The following DPP6 variants were observed in gnomAD, a reference collection of about 807,000 sequenced individuals.
The protein encoded by DPP6 is dipeptidyl peptidase like 6.
In DPP6, 69 loss-of-function variants were observed where a neutral mutation model predicts 122.6. The ratio of observed to expected loss-of-function variants is 0.56; its 90% CI spans 0.46 to 0.69. The LOEUF is 0.69. Ranked by LOEUF, DPP6 falls within the 30% of genes least tolerant of loss-of-function variation. The pLI is 0.00. For synonymous variants in DPP6, 418 were observed against 433.1 expected (o/e 0.97, Z 0.43); for missense variants, 928 against 1,116.9 (o/e 0.83, Z 2.41).
At chr7:154,166,772 A>G (rs1177407899) in intron 1 of DPP6, among the ~76,000 whole-genome samples, 1 of 148,630 alleles carries the variant, frequency 6.7e-6, no homozygotes, top group East Asian at 2.0e-4. Context: ...TTAGCCAGGC[A>G]TGGTGGCTGG....
chr7:153,997,246 C>T (rs1388110041), intron 1 of DPP6, among the ~76,000 whole-genome samples: 3 of 152,160 alleles, frequency 2.0e-5, no homozygotes. Flanking sequence ...ACTCCACTCC[C>T]CACTCACCAG....
intron 3 of DPP6, among the ~76,000 whole-genome samples, chr7:154,494,893 A>G (rs923750782): frequency 2.0e-5 from 3 of 152,200 alleles, no homozygotes; most frequent in Admixed American, 2.0e-4. Context: ...AGTCAGGTAA[A>G]TGGTTAAAGA....
intron 1 of DPP6, among the ~76,000 whole-genome samples, chr7:153,944,481 C>T (rs535855589): frequency 6.6e-6 from 1 of 152,112 alleles, no homozygotes; most frequent in East Asian, 2.0e-4. Context: ...GTGGTGACTT[C>T]TCAGCCACCT....
chr7:154,415,079 C>T (rs1816911554), intron 1 of DPP6, among the ~76,000 whole-genome samples: 1 of 152,174 alleles, frequency 6.6e-6, no homozygotes, highest in South Asian at 2.1e-4. Flanking sequence ...TGCATGCTTC[C>T]TTCCACACCC....
intron 3 of DPP6, among the ~76,000 whole-genome samples, chr7:154,537,272 C>G (rs1828336270): frequency 2.6e-5 from 4 of 151,808 alleles, no homozygotes; most frequent in Admixed American, 2.6e-4. Flanking sequence ...TAAAATAAGA[C>G]AAGAATAGTA....
intron 1 of DPP6, among the ~76,000 whole-genome samples, chr7:154,163,425 TC>T (rs1462903261): frequency 5.3e-5 from 8 of 152,244 alleles, no homozygotes; most frequent in African/African-American, 1.9e-4. Flanking sequence ...TTAAAAATCA[TC>T]CTTTAATTAT....
Position 154,242,381 on chromosome 7 carries a change from A to AGTGTGTGTGTGTGT in DPP6, c.243+189323_243+189336dup, listed in dbSNP as rs139152037. Among the ~76,000 whole-genome samples, 95 of 150,194 alleles carry AGTGTGTGTGTGTGT rather than the reference A, an allele frequency of 6.3e-4. 1 individual carries two copies. The highest frequency in any genetic ancestry group is 9.9e-4 in the Admixed American group (15 of 15,076). On this transcript the variant is annotated intron_variant, in intron 1 of 25. Coordinates refer to ENST00000377770, the MANE Select transcript of DPP6 (RefSeq NM_130797.4). The stretch of plus-strand genomic sequence containing the variant: ...GTAACACTGACTTTAAGAGGCAATG[A>AGTGTGTGTGTGTGT]GTGTGTGTGTGTGTGTGTATGTGTG...
intron 1 of DPP6, among the ~76,000 whole-genome samples, chr7:153,902,404 A>T (rs899588889): frequency 6.6e-6 from 1 of 152,194 alleles, no homozygotes; most frequent in Non-Finnish European, 1.5e-5. Flanking sequence ...AAACTGGGAG[A>T]CAGGGGTTCT....
chr7:154,417,184 T>C (rs1423535773), intron 1 of DPP6, among the ~76,000 whole-genome samples: 2 of 152,186 alleles, frequency 1.3e-5, no homozygotes, highest in Non-Finnish European at 2.9e-5. Flanking sequence ...AGGGAACATC[T>C]CCCCACCAAT....
chr7:154,855,425 C>T (rs1202548827), intron 17 of DPP6, among the ~76,000 whole-genome samples: 1 of 152,224 alleles, frequency 6.6e-6, no homozygotes. Flanking sequence ...GATGGCCTTC[C>T]TGTGCTCCTC....
At chr7:154,798,310 G>A (rs1447858313) in intron 12 of DPP6, among the ~76,000 whole-genome samples, 1 of 152,192 alleles carries the variant, frequency 6.6e-6, no homozygotes, top group African/African-American at 2.4e-5. Context: ...GGACTTTCCT[G>A]TATTAGCGAT....
chr7:154,543,504 C>A (rs1828895884), intron 4 of DPP6, among the ~76,000 whole-genome samples: 1 of 152,172 alleles, frequency 6.6e-6, no homozygotes, highest in African/African-American at 2.4e-5. Context: ...GTCAATCCAG[C>A]AGGAAAGCTT....
chr7:154,361,810 T>G (rs772176042), intron 1 of DPP6, among the ~76,000 whole-genome samples: 5 of 152,218 alleles, frequency 3.3e-5, no homozygotes, highest in Admixed American at 6.5e-5. Flanking sequence ...GAAGGAGGCA[T>G]TATCATCCCT....
intron 16 of DPP6, among the ~76,000 whole-genome samples, chr7:154,832,963 C>T (rs930082514): frequency 2.0e-5 from 3 of 152,244 alleles, no homozygotes; most frequent in Non-Finnish European, 4.4e-5. Context: ...AGAAGTCTTT[C>T]TTTGGGACCC....
intron 1 of DPP6, among the ~76,000 whole-genome samples, chr7:154,394,126 T>C (rs1814865923): frequency 6.6e-6 from 1 of 152,216 alleles, no homozygotes; most frequent in Admixed American, 6.5e-5. Context: ...TGCTGGATCA[T>C]ATGGTTATTT....
intron 7 of DPP6, among the ~76,000 whole-genome samples, chr7:154,704,384 T>A (rs1840704882): frequency 1.3e-5 from 2 of 152,230 alleles, no homozygotes; most frequent in South Asian, 4.1e-4. Context: ...GGATTTAGAA[T>A]ATTCCATAAA....
chr7:154,305,031 CCCCAGCCCCAGCCCCAGCCCCAG>C, intron 1 of DPP6: 1 of 13,910 alleles, frequency 7.2e-5, no homozygotes, highest in African/African-American at 3.6e-4. Flanking sequence ...CCAGCCCCAG[CCCCAGCCCCAGCCCCAGCCCCAG>C]CCCCAGCCCC....
the DPP6 span, among the ~76,000 whole-genome samples, chr7:153,844,676 G>A: frequency 3.3e-5 from 5 of 152,154 alleles, no homozygotes; most frequent in Admixed American, 3.3e-4. Context: ...GATTCATCCG[G>A]TGGGACATCG....
intron 20 of DPP6, among the ~76,000 whole-genome samples, chr7:154,878,769 T>C (rs1805096617): frequency 6.6e-6 from 1 of 152,184 alleles, no homozygotes; most frequent in Non-Finnish European, 1.5e-5. Flanking sequence ...TCCTGTCTCC[T>C]AGAGACAGGT....
Sources: allele counts gnomAD v4.1 joint callset (sites outside exome capture counted in the v4.1 genomes callset), GRCh38; gene constraint gnomAD v4.1.1; transcripts MANE v1.5; gene names NCBI Gene and HGNC (gene_info 2026-07-23, HGNC 2026-07-21).